WDR4: variants seen among roughly 807,000 people sequenced by gnomAD.
The protein encoded by WDR4 is tRNA (guanine-N(7)-)-methyltransferase non-catalytic subunit WDR4.
In WDR4, 47 loss-of-function variants were observed where a neutral mutation model predicts 48.6. The ratio of observed to expected loss-of-function variants is 0.97; its 90% CI spans 0.77 to 1.23. The LOEUF (loss-of-function observed/expected upper bound fraction) is 1.23, where lower values mean the gene tolerates loss of function less well. Ranked by LOEUF, WDR4 falls within the 50% of genes most tolerant of loss-of-function variation. WDR4 has a pLI of 0.00. For missense variants in WDR4, 606 were observed against 551.6 expected (o/e 1.10, Z -0.99); for synonymous variants, 268 against 230.0 (o/e 1.17, Z -1.49).
chr21:42,880,139 A>C (rs2058595772), upstream of WDR4, among the ~76,000 whole-genome samples: 1 of 151,872 alleles, frequency 6.6e-6, no homozygotes, highest in Admixed American at 6.6e-5. Context: ...TCAAAAAAAA[A>C]AAAAATGTCC....
At chr21:42,843,810 T>C (rs1005013472) in intron 11 of WDR4, among the ~76,000 whole-genome samples, 1 of 152,142 alleles carries the variant, frequency 6.6e-6, no homozygotes, top group African/African-American at 2.4e-5. Context: ...TGTGATCCAC[T>C]GTCCTCCCAA....
At chr21:42,879,165 T>G in intron 1 of WDR4, 2 of 1,311,286 alleles carry the variant, frequency 1.5e-6, no homozygotes, top group Non-Finnish European at 1.9e-6. Context: ...ACCAGCCATC[T>G]AGTGCAAGGA....
upstream of WDR4, among the ~76,000 whole-genome samples, chr21:42,881,358 C>T (rs113121567): frequency 3.5e-3 from 539 of 152,234 alleles, 2 homozygotes; most frequent in Non-Finnish European, 5.5e-3. Flanking sequence ...TAATACTTTC[C>T]CCAGCTTCAA....
intron 6 of WDR4, among the ~76,000 whole-genome samples, chr21:42,856,749 G>C (rs989780151): frequency 1.3e-5 from 2 of 151,962 alleles, no homozygotes; most frequent in African/African-American, 4.8e-5. Flanking sequence ...GCCGAGGTAA[G>C]AGTGGATGTA....
rs1444109740 is a variant in WDR4 at position 42,877,163 on chromosome 21, A to G, written c.90-396T>C. Among the ~76,000 whole-genome samples the G allele has an allele frequency of 8.6e-3, 495 of 57,738 alleles. 2 individuals carry two copies. The highest frequency in any genetic ancestry group is 0.033 in the African/African-American group (449 of 13,582). The allele number at this position is 57,738 out of a possible 152,430, so 37.9% of individuals were successfully genotyped here. On this transcript the variant is annotated intron_variant, in intron 1 of 10. Transcript: ENST00000398208. ...ATTTTTTTTTTTTTTTTTTTTTTTG[A>G]GTTGGAGTCTCGCTCTATCACTCAG...
chr21:42,892,952 G>T, the WDR4 span, among the ~76,000 whole-genome samples: 1 of 152,254 alleles, frequency 6.6e-6, no homozygotes, highest in Admixed American at 6.5e-5. Flanking sequence ...ATTTAAGGCT[G>T]CGAGGACAAG....
intron 3 of WDR4, among the ~76,000 whole-genome samples, chr21:42,864,024 G>C (rs868490398): frequency 2.4e-5 from 2 of 82,410 alleles, no homozygotes; most frequent in Non-Finnish European, 4.6e-5. Context: ...GGAGAATGGC[G>C]TGAACCCGGG....
rs2058156950 is a variant in WDR4, at chr21:42,863,109, T to G, written c.453+331A>C. 3.9e-5 allele frequency among the ~76,000 whole-genome samples: 6 copies of G among 152,276 alleles called. No individual in the cohort carries two copies. The South Asian group carries it at 1.2e-3, about 32-fold the overall frequency. On this transcript the variant is annotated intron_variant, in intron 4 of 10. Coordinates refer to ENST00000398208, the MANE Select transcript of WDR4 (RefSeq NM_018669.6). Reference sequence around the variant, plus strand: ...GGGGCCACCTACTGACCACCTCCTGTCTCACTTGCCTTCTTCATTCTCCCT... The same window carrying G: ...GGGGCCACCTACTGACCACCTCCTGGCTCACTTGCCTTCTTCATTCTCCCT...
intron 10 of WDR4, among the ~76,000 whole-genome samples, chr21:42,850,895 G>C (rs749690112): frequency 4.6e-5 from 7 of 152,210 alleles, no homozygotes; most frequent in Non-Finnish European, 8.8e-5. Flanking sequence ...GACAGCCTCA[G>C]CCTGGCCAGG....
intron 3 of WDR4, among the ~76,000 whole-genome samples, chr21:42,863,907 C>T (rs1555977489): frequency 9.8e-6 from 1 of 102,434 alleles, no homozygotes; most frequent in Non-Finnish European, 1.9e-5. Context: ...GAGATTGAGA[C>T]CATTCTGGCT....
downstream of WDR4, among the ~76,000 whole-genome samples, chr21:42,848,210 T>C (rs542982012): frequency 1.3e-4 from 20 of 152,312 alleles, no homozygotes; most frequent in South Asian, 4.1e-3. Flanking sequence ...ACTTCATCAC[T>C]GGACAGCAGG....
At chr21:42,858,267 C>T (rs1463114741) in intron 6 of WDR4, among the ~76,000 whole-genome samples, 1 of 152,202 alleles carries the variant, frequency 6.6e-6, no homozygotes, top group Non-Finnish European at 1.5e-5. Flanking sequence ...CACCAAGTCA[C>T]CTCAGTGGCT....
chr21:42,853,687 AG>A lies in WDR4; in HGVS notation c.856del (p.Leu286TrpfsTer48). ...RRQQLVYRQQ[L>X]AFQHQVWDVA... is the part of the protein sequence containing the mutation. ...GTCCCACACTTGGTGCTGGAACGCC[AG>A]CTGCTGCCTGTACACCAACTGCTGT... is the stretch of plus-strand genomic sequence containing the variant. On this transcript the variant is annotated frameshift_variant, in exon 9 of 11. Coordinates refer to ENST00000398208, the MANE Select transcript of WDR4 (RefSeq NM_018669.6). LOFTEE classifies it high-confidence loss of function. 6.3e-7 allele frequency: 1 copy of A among 1,580,284 alleles called. No homozygotes were observed. The highest frequency in any genetic ancestry group is 8.6e-7 in the Non-Finnish European group (1 of 1,163,700).
intron 9 of WDR4, among the ~76,000 whole-genome samples, 197 bp downstream of exon 9, chr21:42,853,372 C>T (rs1415841579): frequency 3.3e-5 from 5 of 152,252 alleles, no homozygotes; most frequent in Non-Finnish European, 5.9e-5. Context: ...AAGCCAGCCA[C>T]GCCGGCCTGG....
intron 10 of WDR4, among the ~76,000 whole-genome samples, chr21:42,851,518 T>TA (rs1471348002): frequency 1.3e-5 from 2 of 152,034 alleles, no homozygotes; most frequent in Non-Finnish European, 2.9e-5. Context: ...TTGCAAGACT[T>TA]CAGAGCAGCA....
At chr21:42,856,214 C>T (rs2057986732) in intron 6 of WDR4, among the ~76,000 whole-genome samples, 1 of 152,124 alleles carries the variant, frequency 6.6e-6, no homozygotes, top group African/African-American at 2.4e-5. Flanking sequence ...CTCATGAGCT[C>T]GTGGCCACTG....
At chr21:42,861,696 C>G (rs2058120585) in intron 5 of WDR4, among the ~76,000 whole-genome samples, 1 of 152,240 alleles carries the variant, frequency 6.6e-6, no homozygotes, top group East Asian at 1.9e-4. Flanking sequence ...AACCTCGGCA[C>G]TGAATTTCCT....
At chr21:42,851,679 G>A (rs1334804246) in intron 10 of WDR4, among the ~76,000 whole-genome samples, 3 of 152,110 alleles carry the variant, frequency 2.0e-5, no homozygotes, top group Non-Finnish European at 2.9e-5. Context: ...GAAAATGTTC[G>A]TCCAGCTCCT....
chr21:42,889,766 G>A, the WDR4 span, among the ~76,000 whole-genome samples: 10 of 151,864 alleles, frequency 6.6e-5, no homozygotes, highest in African/African-American at 1.5e-4. Context: ...TTTTTAATTC[G>A]AGAAGGAGTT....
Sources: gnomAD v4.1 joint callset for allele counts (sites outside exome capture counted in the v4.1 genomes callset) on GRCh38, gnomAD v4.1.1 for gene constraint, MANE v1.5 for transcripts, NCBI Gene and HGNC (gene_info 2026-07-23, HGNC 2026-07-21) for gene names.